ZNF23: variants seen among roughly 807,000 people sequenced by gnomAD.
ZNF23 encodes zinc finger protein 23.
In ZNF23, 48 loss-of-function variants were observed where a neutral mutation model predicts 56.2. The observed-to-expected ratio is 0.85, with a 90% confidence interval of 0.68 to 1.09. The LOEUF (loss-of-function observed/expected upper bound fraction) is 1.09. Among genes scored for constraint, ZNF23 ranks in the 50% least tolerant of loss-of-function variants. The pLI, the probability that ZNF23 is intolerant of heterozygous loss-of-function variation, is 0.00. For synonymous variants in ZNF23, 266 were observed against 283.3 expected, an observed-to-expected ratio of 0.94 and a Z score of 0.61; for missense variants, 805 against 811.4, an observed-to-expected ratio of 0.99 and a Z score of 0.10.
At position 71,448,569 on chromosome 16, in the gene ZNF23, T is replaced by G. The variant is rs756055759; in HGVS notation, c.1585A>C (p.Thr529Pro). The G allele has an allele frequency of 4.3e-6, 7 of 1,613,970 alleles. No homozygotes were observed. The Admixed American group carries it at 1.2e-4, about 27-fold the overall frequency. ...TGATCAAGTAGGTTTCTTTTAGAAG[T>G]AAAGCATCTCCCACACTCATTACAT... The part of the protein sequence containing the change: ...FECNECGRCF[T>P]SKRNLLDHHR... The change falls in exon 5 of 5, where the codon ACT (threonine) becomes CCT (proline). Residue 529 changes from threonine to proline, a missense_variant. By Grantham distance (38) the Thr-to-Pro change is conservative. Coordinates refer to ENST00000647773, the MANE Select transcript of ZNF23 (RefSeq NM_001381984.1).
chr16:71,450,814 C>A (rs920016319), intron 4 of ZNF23: 2 of 309,772 alleles, frequency 6.5e-6, no homozygotes, highest in South Asian at 4.8e-5. Context: ...CTACACCCTG[C>A]AGTTTCTTCT....
chr16:71,459,862 A>T (rs1567564892), intron 1 of ZNF23, among the ~76,000 whole-genome samples: 1 of 152,258 alleles, frequency 6.6e-6, no homozygotes, highest in African/African-American at 2.4e-5. Context: ...CATTTAAAAA[A>T]ATATATTATC....
At chr16:71,455,939 A>G in intron 2 of ZNF23, 1 of 439,348 alleles carries the variant, frequency 2.3e-6, no homozygotes, top group Non-Finnish European at 4.5e-6. Flanking sequence ...TTTTAGGTGG[A>G]AAGAGTACAA....
At chr16:71,450,926 G>A (rs1341497463) in intron 4 of ZNF23, 2 of 184,118 alleles carry the variant, frequency 1.1e-5, no homozygotes, top group Non-Finnish European at 2.3e-5. Flanking sequence ...CTTGGAAGAT[G>A]ACAACAGTCA....
At chr16:71,460,988 T>C (rs1285473935) in intron 1 of ZNF23, among the ~76,000 whole-genome samples, 1 of 152,200 alleles carries the variant, frequency 6.6e-6, no homozygotes, top group Admixed American at 6.5e-5. Flanking sequence ...ATTTGGAAAC[T>C]TAACATTGAA....
intron 1 of ZNF23, among the ~76,000 whole-genome samples, chr16:71,460,980 T>C (rs954856589): frequency 1.3e-5 from 2 of 152,188 alleles, no homozygotes; most frequent in South Asian, 2.1e-4. Context: ...CAGAATGAAT[T>C]TGGAAACTTA....
At chr16:71,452,436 A>G (rs1225178802) in intron 4 of ZNF23, 1 of 152,234 alleles carries the variant, frequency 6.6e-6, no homozygotes, top group Non-Finnish European at 1.5e-5. Context: ...GCTGGCACCA[A>G]TTGGAGCCCT....
Position 71,449,777 on chromosome 16 carries a change from G to A in ZNF23, c.377C>T (p.Ala126Val). The A allele has an allele frequency of 6.2e-7, 1 of 1,614,056 alleles. No individual in the cohort carries two copies. Among genetic ancestry groups the A allele is most frequent in the Non-Finnish European group, 8.5e-7 (1 of 1,180,008 alleles). ...DFSQETDFSEASLLEKQQEVH... is the reference protein window; with the variant it reads ...DFSQETDFSEVSLLEKQQEVH... ...TTCCTGTTGTTTCTCTAGAAGAGAG[G>A]CTTCTGAAAAGTCTGTTTCCTGGGA... Residue 126 changes from alanine to valine, a missense_variant, in exon 5 of 5, where the codon GCC (alanine) becomes GTC (valine). Ala to Val is a moderately conservative substitution (Grantham distance 64). Transcript: ENST00000647773.
In ZNF23 at chr16:71,449,600, C is replaced by T; in HGVS notation, c.554G>A (p.Cys185Tyr). ...HTITGEQPSG[C>Y]TGLGKSISFD... Reference sequence around the variant, plus strand: ...GCTGATGGATTTCCCCAATCCTGTACACCCAGAGGGCTGCTCTCCAGTGAT... The same window carrying T: ...GCTGATGGATTTCCCCAATCCTGTATACCCAGAGGGCTGCTCTCCAGTGAT... Residue 185 changes from cysteine to tyrosine, a missense_variant, in exon 5 of 5, where the codon TGT (cysteine) becomes TAT (tyrosine). Physicochemically the swap from Cys to Tyr is radical, Grantham distance 194 (BLOSUM62 -2). Coordinates refer to ENST00000647773, the MANE Select transcript of ZNF23 (RefSeq NM_001381984.1). 6.2e-7 allele frequency: 1 copy of T among 1,614,110 alleles called. No individual in the cohort carries two copies. The highest frequency in any genetic ancestry group is 8.5e-7 in the Non-Finnish European group (1 of 1,180,032).
chr16:71,458,907 A>C (rs2043337843), intron 1 of ZNF23, among the ~76,000 whole-genome samples: 1 of 152,224 alleles, frequency 6.6e-6, no homozygotes, highest in East Asian at 1.9e-4. Flanking sequence ...GCAGTGTTTT[A>C]CTTATTTTAA....
chr16:71,454,682 T>G (rs1418950445), intron 2 of ZNF23, among the ~76,000 whole-genome samples: 1 of 152,134 alleles, frequency 6.6e-6, no homozygotes, highest in Non-Finnish European at 1.5e-5. Context: ...CAGCCTCTGC[T>G]TGAGCACCTC....
chr16:71,461,807 G>A (rs1363148851), intron 1 of ZNF23: 1 of 152,208 alleles, frequency 6.6e-6, no homozygotes, highest in East Asian at 1.9e-4. Context: ...GTCCATACTC[G>A]GGATGCACAT....
Position 71,449,330 on chromosome 16 carries a change from C to A in ZNF23, c.824G>T (p.Ser275Ile). ...KPFKCVECGKSFSYSSHYITH... is the reference protein window; with the variant it reads ...KPFKCVECGKIFSYSSHYITH... ...GATATAATGGGAACTGTAGCTGAAG[C>A]TTTTCCCACACTCCACACATTTGAA... is the stretch of plus-strand genomic sequence containing the variant. Residue 275 changes from serine to isoleucine, a missense_variant, in exon 5 of 5, where the codon AGC (serine) becomes ATC (isoleucine). Ser to Ile is a moderately radical substitution (Grantham distance 142). Coordinates refer to ENST00000647773, the MANE Select transcript of ZNF23 (RefSeq NM_001381984.1). 6.2e-7 allele frequency: 1 copy of A among 1,614,044 alleles called. No individual in the cohort carries two copies. The highest frequency in any genetic ancestry group is 8.5e-7 in the Non-Finnish European group (1 of 1,179,982).
At position 71,449,682 on chromosome 16, in the gene ZNF23, T is replaced by C; in HGVS notation, c.472A>G (p.Ser158Gly). The C allele has an allele frequency of 6.2e-7, 1 of 1,613,810 alleles. No individual in the cohort carries two copies. Among genetic ancestry groups the C allele is most frequent in the Non-Finnish European group, 8.5e-7 (1 of 1,180,024 alleles). The change falls in exon 5 of 5, where the codon AGC (serine) becomes GGC (glycine). Residue 158 changes from serine (S) to glycine (G), a missense_variant. Transcript: ENST00000647773. ...TIDGTVKDET[S>G]PVEECFFSQS... ...CTAAAAAAACACTCCTCCACGGGGC[T>C]TGTCTCATCTTTCACTGTTCCATCA...
At chr16:71,453,494 C>A in intron 3 of ZNF23, 144 bp from the exon 4 acceptor site, 1 of 626,570 alleles carries the variant, frequency 1.6e-6, no homozygotes, top group Non-Finnish European at 2.8e-6. Context: ...CGGGAAAGTA[C>A]TGTGGGGCTT....
rs138342039 is a variant in ZNF23 at position 71,449,201 on chromosome 16, G to T, written c.953C>A (p.Thr318Lys). 13 of 1,614,028 alleles carry T rather than the reference G, an allele frequency of 8.1e-6. No individual in the cohort carries two copies. The highest frequency in any genetic ancestry group is 1.7e-4 in the Middle Eastern group (1 of 6,060). The change falls in exon 5 of 5, where the codon ACG (threonine) becomes AAG (lysine). Residue 318 changes from threonine to lysine, a missense_variant. By Grantham distance (78) the Thr-to-Lys change is moderately conservative. Coordinates refer to ENST00000647773, the MANE Select transcript of ZNF23 (RefSeq NM_001381984.1). ...CTTGCACTGATAGGGCTTCTCTCCCGTATGGATTCTCTGATGCCTACTTAG... is the reference window on the plus strand; with the variant it reads ...CTTGCACTGATAGGGCTTCTCTCCCTTATGGATTCTCTGATGCCTACTTAG... The part of the protein sequence containing the change: ...GSLSRHQRIH[T>K]GEKPYQCKEC...
chr16:71,458,466 T>C (rs1229939904), intron 1 of ZNF23, among the ~76,000 whole-genome samples: 1 of 152,198 alleles, frequency 6.6e-6, no homozygotes, highest in Non-Finnish European at 1.5e-5. Context: ...TAGACCTTTT[T>C]CCCAGGGTTA....
Position 71,448,322 on chromosome 16 carries a change from G to T in ZNF23, c.1832C>A (p.Ala611Asp). 6.2e-7 allele frequency: 1 copy of T among 1,614,028 alleles called. No homozygotes were observed. The highest frequency in any genetic ancestry group is 8.5e-7 in the Non-Finnish European group (1 of 1,180,004). Reference protein sequence around the residue: ...KPFQCKECGKAFHVNAHLIRH... With the variant: ...KPFQCKECGKDFHVNAHLIRH... ...AATTAAATGGGCATTAACATGGAAG[G>T]CTTTTCCACACTCCTTACACTGAAA... The change falls in exon 5 of 5, where the codon GCC (alanine) becomes GAC (aspartate). Residue 611 changes from alanine to aspartate, a missense_variant. Physicochemically the swap from Ala to Asp is moderately radical, Grantham distance 126 (BLOSUM62 -2). Transcript: ENST00000647773.
chr16:71,453,683 T>G, intron 3 of ZNF23: 1 of 470,188 alleles, frequency 2.1e-6, no homozygotes, highest in South Asian at 2.9e-5. Flanking sequence ...CTTTTTGACC[T>G]TGGCCTGAAA....
Sources: allele counts gnomAD v4.1 joint callset (sites outside exome capture counted in the v4.1 genomes callset), GRCh38; gene constraint gnomAD v4.1.1; transcripts MANE v1.5; gene names NCBI Gene and HGNC (gene_info 2026-07-23, HGNC 2026-07-21).